EYA1: variants seen among roughly 807,000 people sequenced by gnomAD.
The protein encoded by EYA1 is EYA transcriptional coactivator and phosphatase 1.
EYA1 carries 16 observed loss-of-function variants against 82.0 expected under a neutral mutation model. That is an observed-to-expected ratio of 0.20 (90% confidence interval 0.13 to 0.30). The LOEUF (loss-of-function observed/expected upper bound fraction) is 0.30, where lower values mean the gene tolerates loss of function less well. Among genes scored for constraint, EYA1 ranks in the 10% least tolerant of loss-of-function variants. The pLI is 1.00. For missense variants in EYA1, 633 were observed against 730.7 expected, an observed-to-expected ratio of 0.87 and a Z score of 1.54; for synonymous variants, 261 against 264.4, an observed-to-expected ratio of 0.99 and a Z score of 0.12.
intron 2 of EYA1, among the ~76,000 whole-genome samples, chr8:71,526,774 GT>G (rs1195207820): frequency 2.0e-5 from 3 of 152,094 alleles, no homozygotes; most frequent in Admixed American, 2.0e-4. Flanking sequence ...CACTTCTGCT[GT>G]TTTTTTCTCC....
intron 2 of EYA1, among the ~76,000 whole-genome samples, chr8:71,417,625 G>A (rs961013246): frequency 8.5e-5 from 13 of 152,122 alleles, no homozygotes; most frequent in Admixed American, 8.5e-4. Context: ...ATTTCTGGTT[G>A]TTACAACTAG....
intron 2 of EYA1, among the ~76,000 whole-genome samples, chr8:71,517,805 TTTA>T (rs1234997907): frequency 6.6e-6 from 1 of 150,494 alleles, no homozygotes; most frequent in Admixed American, 6.7e-5. Flanking sequence ...TCAATATGCA[TTTA>T]TTAATTGTAA....
chr8:71,425,104 CAAAAA>C (rs71264555), intron 2 of EYA1, among the ~76,000 whole-genome samples: 5 of 75,294 alleles, frequency 6.6e-5, no homozygotes, highest in African/African-American at 1.1e-4. Flanking sequence ...ACTAAAAATA[CAAAAA>C]AAAAAAAAAA....
intron 2 of EYA1, among the ~76,000 whole-genome samples, chr8:71,394,676 G>T (rs1330125819): frequency 6.6e-6 from 1 of 152,154 alleles, no homozygotes; most frequent in Non-Finnish European, 1.5e-5. Context: ...CCAGTACCAT[G>T]CTGGTTTGGT....
rs183626110 is a variant in EYA1 at position 71,414,421 on chromosome 8, T to A, written c.34-57910A>T. On this transcript the variant is annotated intron_variant, in intron 2 of 18. Transcript: ENST00000643681. ...TTCAAAGTGAATTCTTGTCCCATCA[T>A]TTCCGGTGTACCCAAGTCTGTACTG... Among the ~76,000 whole-genome samples the A allele has an allele frequency of 2.0e-4, 31 of 152,360 alleles. No homozygotes were observed. The East Asian group carries it at 5.6e-3, about 27-fold the overall frequency.
At chr8:71,344,778 G>A (rs1825529178) in intron 3 of EYA1, among the ~76,000 whole-genome samples, 1 of 152,204 alleles carries the variant, frequency 6.6e-6, no homozygotes, top group Non-Finnish European at 1.5e-5. Flanking sequence ...AAATAAACTA[G>A]TGCATGAAGA....
At chr8:71,308,650 T>C (rs1279086919) in intron 7 of EYA1, among the ~76,000 whole-genome samples, 1 of 151,876 alleles carries the variant, frequency 6.6e-6, no homozygotes, top group Non-Finnish European at 1.5e-5. Flanking sequence ...TAAATCAAAG[T>C]TCTGTGTATG....
chr8:71,315,567 T>C (rs1351072269), intron 7 of EYA1, among the ~76,000 whole-genome samples: 15 of 152,202 alleles, frequency 9.9e-5, no homozygotes, highest in Non-Finnish European at 2.2e-4. Context: ...CATAATTTAG[T>C]TGGTTGCTTG....
intron 6 of EYA1, among the ~76,000 whole-genome samples, chr8:71,320,629 T>G (rs1432765927): frequency 6.6e-6 from 1 of 152,140 alleles, no homozygotes; most frequent in Non-Finnish European, 1.5e-5. Context: ...TCTGATGGTT[T>G]TAAAATAAAA....
At chr8:71,319,940 T>A (rs1185911624) in intron 6 of EYA1, among the ~76,000 whole-genome samples, 3 of 152,156 alleles carry the variant, frequency 2.0e-5, no homozygotes, top group African/African-American at 7.2e-5. Context: ...TGCTAAGAAC[T>A]GAAAATTATT....
chr8:71,418,210 T>C (rs573160229), intron 2 of EYA1, among the ~76,000 whole-genome samples: 1 of 152,328 alleles, frequency 6.6e-6, no homozygotes, highest in Non-Finnish European at 1.5e-5. Flanking sequence ...GCCGAAGTTG[T>C]AAAATTGTAT....
At chr8:71,205,669 T>C (rs559777589) in intron 17 of EYA1, among the ~76,000 whole-genome samples, 19 of 152,318 alleles carry the variant, frequency 1.2e-4, no homozygotes, top group Middle Eastern at 6.8e-3. Context: ...TTGGACTACA[T>C]TGGCAAAGAG....
At chr8:71,330,321 C>T (rs1189560358) in intron 4 of EYA1, among the ~76,000 whole-genome samples, 3 of 152,184 alleles carry the variant, frequency 2.0e-5, no homozygotes, top group African/African-American at 7.2e-5. Context: ...CTTTTCTAGC[C>T]TGATCCGCTT....
At chr8:71,364,851 C>T (rs560633828), upstream of EYA1, among the ~76,000 whole-genome samples, 5 of 149,510 alleles carry the variant, frequency 3.3e-5, no homozygotes, top group South Asian at 4.2e-4. Flanking sequence ...GCCTAGATAC[C>T]TGCCTGGTTA....
intron 2 of EYA1, among the ~76,000 whole-genome samples, chr8:71,397,695 A>G (rs774941219): frequency 1.3e-5 from 2 of 152,150 alleles, no homozygotes; most frequent in Non-Finnish European, 2.9e-5. Flanking sequence ...TGAGTAACCC[A>G]ACCTTTCTCT....
intron 9 of EYA1, among the ~76,000 whole-genome samples, chr8:71,295,048 A>C (rs913359978): frequency 6.6e-6 from 1 of 152,204 alleles, no homozygotes; most frequent in African/African-American, 2.4e-5. Flanking sequence ...AAAAAAATGA[A>C]TCTAGACCCT....
At chr8:71,373,858 C>T (rs1210139159) in intron 2 of EYA1, among the ~76,000 whole-genome samples, 1 of 152,004 alleles carries the variant, frequency 6.6e-6, no homozygotes, top group Non-Finnish European at 1.5e-5. Flanking sequence ...AAATAATTTT[C>T]AACAAGACCA....
At chr8:71,315,686 A>C (rs1821848997) in intron 7 of EYA1, among the ~76,000 whole-genome samples, 1 of 152,224 alleles carries the variant, frequency 6.6e-6, no homozygotes, top group African/African-American at 2.4e-5. Context: ...ATTCATTAAT[A>C]AAGTCTTTCC....
intron 2 of EYA1, among the ~76,000 whole-genome samples, chr8:71,438,224 A>G (rs2129167969): frequency 6.6e-6 from 1 of 152,280 alleles, no homozygotes; most frequent in African/African-American, 2.4e-5. Context: ...AAGAATAACA[A>G]GAGAAATTTG....
Sources: allele counts gnomAD v4.1 joint callset (sites outside exome capture counted in the v4.1 genomes callset), GRCh38; gene constraint gnomAD v4.1.1; transcripts MANE v1.5; gene names NCBI Gene and HGNC (gene_info 2026-07-23, HGNC 2026-07-21).